The following AFAP1L2 variants were observed in gnomAD, a reference collection of about 807,000 sequenced individuals.
The protein encoded by AFAP1L2 is actin filament-associated protein 1-like 2.
AFAP1L2 carries 46 observed loss-of-function variants against 99.3 expected under a neutral mutation model. The ratio of observed to expected loss-of-function variants is 0.46; its 90% CI spans 0.37 to 0.59. The LOEUF (loss-of-function observed/expected upper bound fraction) is 0.59, where lower values mean the gene tolerates loss of function less well. Ranked by LOEUF, AFAP1L2 falls within the 20% of genes least tolerant of loss-of-function variation. The probability of loss-of-function intolerance (pLI) is 0.00; values close to 1 mark genes in which losing one functional copy is unlikely to be tolerated. For missense variants in AFAP1L2, 959 were observed against 1,034.9 expected, an observed-to-expected ratio of 0.93 and a Z score of 1.01; for synonymous variants, 397 against 419.1, an observed-to-expected ratio of 0.95 and a Z score of 0.64.
intron 8 of AFAP1L2, among the ~76,000 whole-genome samples, chr10:114,309,414 GC>G (rs2042879540): frequency 6.6e-6 from 1 of 152,208 alleles, no homozygotes. Flanking sequence ...TTCTGCTCGA[GC>G]CCTCTGTGTG....
At chr10:114,304,095 T>G (rs1432331288) in intron 11 of AFAP1L2, among the ~76,000 whole-genome samples, 29 of 152,138 alleles carry the variant, frequency 1.9e-4, no homozygotes, top group Non-Finnish European at 1.5e-5. Flanking sequence ...GGGAAGCAAT[T>G]GCGATGTGGG....
At chr10:114,322,115 A>G (rs1208192168) in intron 5 of AFAP1L2, among the ~76,000 whole-genome samples, 2 of 152,174 alleles carry the variant, frequency 1.3e-5, no homozygotes, top group African/African-American at 4.8e-5. Flanking sequence ...TGCTACTGCC[A>G]TGTAAGACGT....
intron 1 of AFAP1L2, among the ~76,000 whole-genome samples, chr10:114,363,496 T>A (rs908474844): frequency 5.3e-5 from 8 of 152,228 alleles, no homozygotes; most frequent in Non-Finnish European, 1.2e-4. Context: ...GCAGAGGCAC[T>A]GGGCTGGGCA....
intron 1 of AFAP1L2, among the ~76,000 whole-genome samples, chr10:114,385,029 C>T (rs2056315029): frequency 6.6e-6 from 1 of 152,154 alleles, no homozygotes; most frequent in African/African-American, 2.4e-5. Context: ...TGACTGAGCC[C>T]CATATGAAGT....
At chr10:114,289,175 A>C in the AFAP1L2 span, 6 of 1,613,464 alleles carry the variant, frequency 3.7e-6, no homozygotes, top group Non-Finnish European at 5.1e-6. Flanking sequence ...CAGGCCCCCT[A>C]CCTAGGTGGG....
At chr10:114,307,473 T>G (rs1235534604) in intron 10 of AFAP1L2, among the ~76,000 whole-genome samples, 1 of 151,760 alleles carries the variant, frequency 6.6e-6, no homozygotes, top group Non-Finnish European at 1.5e-5. Flanking sequence ...CTGCCATCCT[T>G]CTGCTTGGTC....
At chr10:114,291,073 A>G (rs139903407), downstream of AFAP1L2, 1 of 948,542 alleles carries the variant, frequency 1.1e-6, no homozygotes, top group Non-Finnish European at 1.6e-6. Context: ...GGATAATCAC[A>G]TGGGGTCTCT....
At chr10:114,316,426 C>A (rs72823089) in intron 5 of AFAP1L2, among the ~76,000 whole-genome samples, 1 of 152,196 alleles carries the variant, frequency 6.6e-6, no homozygotes, top group African/African-American at 2.4e-5. Context: ...CCAGTCATAG[C>A]CCTTCTTCAA....
intron 8 of AFAP1L2, among the ~76,000 whole-genome samples, chr10:114,309,722 G>A (rs761571328): frequency 2.9e-4 from 44 of 152,202 alleles, no homozygotes; most frequent in Non-Finnish European, 5.6e-4. Context: ...GGAATAAGGG[G>A]AAAGGAAGTG....
the AFAP1L2 span, chr10:114,284,743 G>T: frequency 1.1e-6 from 1 of 879,780 alleles, no homozygotes; most frequent in South Asian, 1.7e-5. Flanking sequence ...TGGACTGTGG[G>T]GGAAGGGAGG....
Position 114,340,723 on chromosome 10 carries a change from G to C in AFAP1L2, c.25C>G (p.Gln9Glu), listed in dbSNP as rs1397597102. 3 of 1,614,248 alleles carry C rather than the reference G, an allele frequency of 1.9e-6. No individual in the cohort carries two copies. The East Asian group carries it at 6.7e-5, about 36-fold the overall frequency. Residue 9 changes from glutamine to glutamate, a missense_variant, in exon 2 of 19, where the codon CAG becomes GAG. This residue lies in a region of AFAP1L2 where 383 missense variants were observed against 472.8 expected (regional missense o/e 0.81). Coordinates refer to ENST00000304129, the MANE Select transcript of AFAP1L2 (RefSeq NM_001001936.3). The part of the protein sequence containing the change: MERYKALE[Q>E]LLTELDDFLK... ...AAGTCATCCAACTCTGTCAGCAGCT[G>C]TTCCAGGGCTAGGGACAGGAAACAG...
intron 4 of AFAP1L2, among the ~76,000 whole-genome samples, chr10:114,326,258 A>G (rs2046275973): frequency 6.6e-6 from 1 of 152,118 alleles, no homozygotes; most frequent in Non-Finnish European, 1.5e-5. Context: ...GCCCAGGAGT[A>G]TGGGGCTTCA....
At chr10:114,364,495 C>A (rs1466817447) in intron 1 of AFAP1L2, among the ~76,000 whole-genome samples, 1 of 152,198 alleles carries the variant, frequency 6.6e-6, no homozygotes, top group East Asian at 1.9e-4. Context: ...CCCATCTCTG[C>A]CTCTGTTGTC....
chr10:114,312,561 T>C (rs1348428260), intron 7 of AFAP1L2, among the ~76,000 whole-genome samples: 2 of 141,148 alleles, frequency 1.4e-5, no homozygotes, highest in Non-Finnish European at 3.0e-5. Context: ...CACGGAGCAC[T>C]CAGTATATAC....
intron 5 of AFAP1L2, among the ~76,000 whole-genome samples, chr10:114,317,760 G>A (rs1035711154): frequency 7.2e-5 from 11 of 152,200 alleles, no homozygotes; most frequent in Admixed American, 2.0e-4. Flanking sequence ...TTGGGAGGCT[G>A]AGGTGGGAGG....
At chr10:114,398,967 T>A (rs1187991635) in intron 1 of AFAP1L2, 2 of 1,258,476 alleles carry the variant, frequency 1.6e-6, no homozygotes, top group African/African-American at 3.1e-5. Context: ...TGGGCTTTCA[T>A]CTCCATTTCT....
chr10:114,378,770 C>A (rs984367701), intron 1 of AFAP1L2, among the ~76,000 whole-genome samples: 2 of 152,210 alleles, frequency 1.3e-5, no homozygotes, highest in Non-Finnish European at 2.9e-5. Flanking sequence ...CCAGAGAGAA[C>A]CCATGGAGAA....
intron 5 of AFAP1L2, 112 bp downstream of exon 5, chr10:114,323,059 C>A (rs1259109384): frequency 3.1e-6 from 3 of 972,672 alleles, no homozygotes; most frequent in Non-Finnish European, 4.6e-6. Context: ...CCAGACTACC[C>A]TCTGTCACCC....
At chr10:114,381,931 A>T (rs2137446154) in intron 1 of AFAP1L2, among the ~76,000 whole-genome samples, 1 of 152,290 alleles carries the variant, frequency 6.6e-6, no homozygotes, top group South Asian at 2.1e-4. Flanking sequence ...CACTCATAAA[A>T]AAAGAAGTAT....
Sources: gnomAD v4.1 joint callset for allele counts (sites outside exome capture counted in the v4.1 genomes callset) on GRCh38, gnomAD v4.1.1 for gene constraint, gnomAD v4.1.1 regional missense constraint, MANE v1.5 for transcripts, NCBI Gene and HGNC (gene_info 2026-07-23, HGNC 2026-07-21) for gene names.